The following SH3BP2 variants were observed in gnomAD, a reference collection of about 807,000 sequenced individuals.
The protein encoded by SH3BP2 is SH3 domain binding protein 2.
In SH3BP2, 38 loss-of-function variants were observed where a neutral mutation model predicts 56.2. The ratio of observed to expected loss-of-function variants is 0.68; its 90% CI spans 0.52 to 0.89. The LOEUF is 0.89. Among genes scored for constraint, SH3BP2 ranks in the 40% least tolerant of loss-of-function variants. SH3BP2 has a pLI of 0.00. For synonymous variants in SH3BP2, 346 were observed against 316.7 expected (o/e 1.09, Z -0.98); for missense variants, 748 against 762.6 (o/e 0.98, Z 0.23).
Position 2,839,305 on chromosome 4 carries a change from A to T in SH3BP2, c.*5471A>T, listed in dbSNP as rs1725340409. On this transcript the variant is annotated 3_prime_UTR_variant, in exon 13 of 13. Transcript: ENST00000503393. The stretch of plus-strand genomic sequence containing the variant: ...CACCTCAGCCTCCCAAGTAGCTGGG[A>T]CCACAGGCCCACACCACCAAGCCCA... 6.6e-6 allele frequency: 1 copy of T among 151,312 alleles called. No individual in the cohort carries two copies. The highest frequency in any genetic ancestry group is 1.5e-5 in the Non-Finnish European group (1 of 67,904). The allele number at this position is 151,312 out of a possible 1,614,324, so 9.4% of individuals were successfully genotyped here. A position where few individuals can be genotyped will look rare whatever the true frequency, so the allele number is the denominator to read the frequency against.
chr4:2,826,808 G>A, intron 5 of SH3BP2: 1 of 407,966 alleles, frequency 2.5e-6, no homozygotes, highest in Non-Finnish European at 5.0e-6. Flanking sequence ...ATGTGTGCTT[G>A]TCCTGTATCT....
At chr4:2,816,691 C>G (rs1724016241) in intron 1 of SH3BP2, among the ~76,000 whole-genome samples, 1 of 152,184 alleles carries the variant, frequency 6.6e-6, no homozygotes, top group Non-Finnish European at 1.5e-5. Context: ...CTTCGTCTAT[C>G]AAAATCATGT....
chr4:2,832,140 C>T, intron 10 of SH3BP2, 162 bp downstream of exon 10: 1 of 966,534 alleles, frequency 1.0e-6, no homozygotes, highest in Non-Finnish European at 1.6e-6. Context: ...TGTCCCATGC[C>T]CAGCTGGCAC....
At chr4:2,794,599 A>G (rs1387988738) in intron 1 of SH3BP2, among the ~76,000 whole-genome samples, 2 of 152,186 alleles carry the variant, frequency 1.3e-5, no homozygotes, top group African/African-American at 4.8e-5. Flanking sequence ...GGCAGAAGGA[A>G]GACAGATAGG....
chr4:2,835,458 C>T lies in SH3BP2; in HGVS notation c.*1624C>T, dbSNP rs1200840559. The T allele has an allele frequency of 3.3e-5, 5 of 152,218 alleles. No homozygotes were observed. Among genetic ancestry groups the T allele is most frequent in the Admixed American group, 1.3e-4 (2 of 15,288 alleles). The allele number at this position is 152,218 out of a possible 1,614,324, so 9.4% of individuals were successfully genotyped here. Reference sequence around the variant, plus strand: ...GGGTGAGAGGTCAGTGCACCACAGCCGAGGCTGGAGCACAGGGAGCTTCTG... The same window carrying T: ...GGGTGAGAGGTCAGTGCACCACAGCTGAGGCTGGAGCACAGGGAGCTTCTG... On this transcript the variant is annotated 3_prime_UTR_variant, in exon 13 of 13. Transcript: ENST00000503393.
At chr4:2,819,222 A>G (rs751619646) in intron 1 of SH3BP2, among the ~76,000 whole-genome samples, 50 of 151,874 alleles carry the variant, frequency 3.3e-4, no homozygotes, top group Non-Finnish European at 6.5e-4. Flanking sequence ...GCGTCCGGCT[A>G]TTTTATTTAT....
rs1438462855 is a variant in SH3BP2 at position 2,807,171 on chromosome 4, G to A, written c.-4-13443G>A. Reference sequence around the variant, plus strand: ...CTCACGTGCGTGCCCAGGGCTGGCCGGCGGCTTGTCTCACTGGGCAGAGGT... The same window carrying A: ...CTCACGTGCGTGCCCAGGGCTGGCCAGCGGCTTGTCTCACTGGGCAGAGGT... On this transcript the variant is annotated intron_variant, in intron 1 of 12. Coordinates refer to ENST00000503393, the MANE Select transcript of SH3BP2 (RefSeq NM_001122681.2). Among the ~76,000 whole-genome samples the A allele has an allele frequency of 7.2e-5, 11 of 152,330 alleles. No individual in the cohort carries two copies. The South Asian group carries it at 1.2e-3, about 17-fold the overall frequency.
chr4:2,833,232 G>A (rs1047178580), intron 12 of SH3BP2, 183 bp downstream of exon 12: 21 of 666,512 alleles, frequency 3.2e-5, no homozygotes, highest in Admixed American at 1.3e-4. Flanking sequence ...CCCTCCTCTC[G>A]TGGCCTACCT....
In SH3BP2 at chr4:2,829,260, C is replaced by T. The variant is rs866137046; in HGVS notation, c.587-233C>T. 3.9e-5 allele frequency among the ~76,000 whole-genome samples: 6 copies of T among 152,012 alleles called. No homozygotes were observed. Among genetic ancestry groups the T allele is most frequent in the Admixed American group, 2.6e-4 (4 of 15,274 alleles). ...CAGGTGTCCTCTAGGCTTCAGGAAG[C>T]GTCCACAGGCTGCCATAGGGAGGAT... On this transcript the variant is annotated intron_variant, in intron 7 of 12. Transcript: ENST00000503393. The surrounding 1 kb of genome is among the most constrained non-coding windows in gnomAD (Gnocchi z 4.9).
chr4:2,828,908 C>T (rs1379304243), intron 7 of SH3BP2, among the ~76,000 whole-genome samples: 3 of 152,168 alleles, frequency 2.0e-5, no homozygotes, highest in Non-Finnish European at 4.4e-5. Context: ...CTGTGCTGGC[C>T]CCATGAGGGA....
At chr4:2,803,809 A>G (rs542481861) in intron 1 of SH3BP2, among the ~76,000 whole-genome samples, 1 of 152,292 alleles carries the variant, frequency 6.6e-6, no homozygotes, top group South Asian at 2.1e-4. Flanking sequence ...GATTGCTCCC[A>G]GGACGCTGGC....
At chr4:2,815,653 T>C (rs1314798368) in intron 1 of SH3BP2, among the ~76,000 whole-genome samples, 2 of 152,218 alleles carry the variant, frequency 1.3e-5, no homozygotes, top group South Asian at 2.1e-4. Flanking sequence ...CCAGGTCTTA[T>C]AGCTTTTGGG....
At chr4:2,804,646 C>G (rs1723454765) in intron 1 of SH3BP2, among the ~76,000 whole-genome samples, 1 of 152,212 alleles carries the variant, frequency 6.6e-6, no homozygotes, top group African/African-American at 2.4e-5. Context: ...GCCCCCTCCA[C>G]AGAGGCCAGG....
chr4:2,807,646 G>A (rs1723585792), intron 1 of SH3BP2, among the ~76,000 whole-genome samples: 1 of 152,168 alleles, frequency 6.6e-6, no homozygotes, highest in African/African-American at 2.4e-5. Flanking sequence ...GTCCAGTGTC[G>A]GGGGCCCAGG....
intron 1 of SH3BP2, among the ~76,000 whole-genome samples, chr4:2,814,006 C>T (rs1476509446): frequency 2.0e-5 from 3 of 152,222 alleles, no homozygotes; most frequent in East Asian, 1.9e-4. Flanking sequence ...AACCTGATCA[C>T]CACTAACAGT....
Position 2,833,701 on chromosome 4 carries a change from C to CT in SH3BP2, c.1554dup (p.Lys519Ter), listed in dbSNP as rs1725126985. On this transcript the variant is annotated frameshift_variant, in exon 13 of 13. Transcript: ENST00000503393. LOFTEE classifies it high-confidence loss of function. Reference sequence around the variant, plus strand: ...CCCCCTTCTCTTCCCCCACAGGACTCTAAGTTCTACCTGGAGGGCGAGGTC... The same window carrying CT: ...CCCCCTTCTCTTCCCCCACAGGACTCTTAAGTTCTACCTGGAGGGCGAGGTC... The CT allele has an allele frequency of 9.9e-6, 16 of 1,610,450 alleles. No individual in the cohort carries two copies. Among genetic ancestry groups the CT allele is most frequent in the Non-Finnish European group, 1.4e-5 (16 of 1,178,534 alleles).
intron 1 of SH3BP2, among the ~76,000 whole-genome samples, chr4:2,811,261 G>A (rs1432766437): frequency 6.6e-6 from 1 of 152,236 alleles, no homozygotes; most frequent in Non-Finnish European, 1.5e-5. Context: ...TACGGGGCTG[G>A]GGTCCAGGGT....
chr4:2,831,664 C>G lies in SH3BP2; in HGVS notation c.1335C>G (p.Asp445Glu). 6.3e-7 allele frequency: 1 copy of G among 1,589,116 alleles called. No individual in the cohort carries two copies. The highest frequency in any genetic ancestry group is 8.6e-7 in the Non-Finnish European group (1 of 1,166,958). Residue 445 changes from aspartate to glutamate, a missense_variant, in exon 9 of 13, where the codon GAC becomes GAG. Asp to Glu is a conservative substitution (Grantham distance 45, BLOSUM62 2). This residue lies in a region of SH3BP2 where 635 missense variants were observed against 615.0 expected (regional missense o/e 1.03). Transcript: ENST00000503393. The surrounding 1 kb of genome is among the most constrained non-coding windows in gnomAD (Gnocchi z 4.1). The stretch of plus-strand genomic sequence containing the variant: ...CTGACACTGGCGGGGACGACTCGGA[C>G]GAGGACTATGAGAAGGCAAGGCTGA... Reference protein sequence around the residue: ...SQADTGGDDSDEDYEKVPLPN... With the variant: ...SQADTGGDDSEEDYEKVPLPN...
chr4:2,821,808 G>T (rs1383795728), intron 2 of SH3BP2, among the ~76,000 whole-genome samples: 2 of 152,146 alleles, frequency 1.3e-5, no homozygotes, highest in Non-Finnish European at 2.9e-5. Flanking sequence ...GTCTCCCAAA[G>T]TGCTGGGATT....
Sources: allele counts gnomAD v4.1 joint callset (sites outside exome capture counted in the v4.1 genomes callset), GRCh38; gene constraint gnomAD v4.1.1; regional missense constraint gnomAD v4.1.1; non-coding constraint Gnocchi (gnomAD v3.1); transcripts MANE v1.5; gene names NCBI Gene and HGNC (gene_info 2026-07-23, HGNC 2026-07-21).